Variants in KCNK9 observed in about 807,000 individuals in gnomAD.
The protein encoded by KCNK9 is potassium two pore domain channel subfamily K member 9.
In KCNK9, 1 loss-of-function variant was observed where a neutral mutation model predicts 10.8. The observed-to-expected ratio is 0.09, with a 90% CI of 0.03 to 0.44. The LOEUF is 0.44. Ranked by LOEUF, KCNK9 falls within the 20% of genes least tolerant of loss-of-function variation. The pLI, the probability that KCNK9 is intolerant of heterozygous loss-of-function variation, is 0.97. For missense variants in KCNK9, 303 were observed against 515.0 expected (o/e 0.59, Z 3.98); for synonymous variants, 231 against 222.7 (o/e 1.04, Z -0.33).
intron 1 of KCNK9, among the ~76,000 whole-genome samples, chr8:139,674,038 G>A (rs1048206324): frequency 2.0e-5 from 3 of 152,186 alleles, no homozygotes; most frequent in Non-Finnish European, 4.4e-5. Context: ...GTGCCAGGGC[G>A]ACAGGAACCC....
At chr8:139,696,442 G>A (rs565139074) in intron 1 of KCNK9, among the ~76,000 whole-genome samples, 4 of 152,338 alleles carry the variant, frequency 2.6e-5, no homozygotes, top group African/African-American at 9.6e-5. Flanking sequence ...AAGGAGATGG[G>A]TCTAGAACAT....
intron 1 of KCNK9, among the ~76,000 whole-genome samples, chr8:139,662,937 G>T (rs78491843): frequency 0.031 from 4,647 of 151,682 alleles, 139 homozygotes; most frequent in African/African-American, 0.073. Flanking sequence ...GGGTAGATGC[G>T]CCTTAGTGTG....
chr8:139,693,515 T>A lies in KCNK9; in HGVS notation c.283+9195A>T, dbSNP rs1466141366. Among the ~76,000 whole-genome samples the A allele has an allele frequency of 6.6e-6, 1 of 152,048 alleles. No individual in the cohort carries two copies. Among genetic ancestry groups the A allele is most frequent in the Non-Finnish European group, 1.5e-5 (1 of 68,012 alleles). The stretch of plus-strand genomic sequence containing the variant: ...GGGGAGCCAGGAGTACCAGCCAGTG[T>A]CCAGCCAGCCTTCCCTGAGCACCTG... On this transcript the variant is annotated intron_variant, in intron 1 of 1. Coordinates refer to ENST00000520439, the MANE Select transcript of KCNK9 (RefSeq NM_001282534.2). This position sits in a 1 kb window ranked among gnomAD's most constrained non-coding sequence, Gnocchi z 4.1.
intron 1 of KCNK9, among the ~76,000 whole-genome samples, chr8:139,692,592 T>G (rs1488049883): frequency 6.6e-6 from 1 of 152,152 alleles, no homozygotes; most frequent in Admixed American, 6.5e-5. Context: ...CCAGAGCTCC[T>G]CAGCACTTGG....
At chr8:139,610,793 G>A (rs559381249), downstream of KCNK9, among the ~76,000 whole-genome samples, 1 of 152,236 alleles carries the variant, frequency 6.6e-6, no homozygotes, top group Non-Finnish European at 1.5e-5. Context: ...GTCAGGGAAG[G>A]TTCTTGAGCA....
chr8:139,626,913 G>A (rs1240778883), intron 1 of KCNK9, among the ~76,000 whole-genome samples: 1 of 152,218 alleles, frequency 6.6e-6, no homozygotes, highest in Non-Finnish European at 1.5e-5. Flanking sequence ...GGCTCCCACG[G>A]AAGCCTGCGG....
rs1371650316 is a variant in KCNK9 at position 139,618,347 on chromosome 8, G to A, written c.1036C>T (p.Leu346Phe). 6.2e-7 allele frequency: 1 copy of A among 1,614,170 alleles called. No individual in the cohort carries two copies. The highest frequency in any genetic ancestry group is 8.5e-7 in the Non-Finnish European group (1 of 1,180,032). ...ATGGAGCTAATAGGCGATGGGAAGAGGCTGTTTTTTAATGTGCTTGGTGAG... is the reference window on the plus strand; with the variant it reads ...ATGGAGCTAATAGGCGATGGGAAGAAGCTGTTTTTTAATGTGCTTGGTGAG... ...EISPSTLKNS[L>F]FPSPISSISP... is the part of the protein sequence containing the mutation. The change falls in exon 2 of 2, where the codon CTC becomes TTC. Residue 346 changes from leucine to phenylalanine, a missense_variant. By Grantham distance (22) the Leu-to-Phe change is conservative. Transcript: ENST00000520439. This position sits in a 1 kb window ranked among gnomAD's most constrained non-coding sequence, Gnocchi z 7.9.
rs990357388 is a variant in KCNK9 at position 139,618,624 on chromosome 8, A to G, written c.759T>C (p.Asp253=). ...VLRFLTMNSE[D]ERRDAEERAS... is the part of the protein sequence containing the mutation. ...CCCTCTCTTCAGCATCCCGCCGCTC[A>G]TCCTCACTGTTCATGGTCAAGAACC... The change falls in exon 2 of 2, where the codon GAT becomes GAC. Residue 253 remains aspartate (D), a synonymous_variant. Coordinates refer to ENST00000520439, the MANE Select transcript of KCNK9 (RefSeq NM_001282534.2). The surrounding 1 kb of genome is among the most constrained non-coding windows in gnomAD (Gnocchi z 7.9). 6.2e-7 allele frequency: 1 copy of G among 1,614,184 alleles called. No homozygotes were observed. Among genetic ancestry groups the G allele is most frequent in the Non-Finnish European group, 8.5e-7 (1 of 1,180,040 alleles).
intron 1 of KCNK9, among the ~76,000 whole-genome samples, chr8:139,695,621 C>T: frequency 6.6e-6 from 1 of 152,180 alleles, no homozygotes; most frequent in Non-Finnish European, 1.5e-5. Context: ...CCTCAGACTC[C>T]AGGCTCCTTC....
At chr8:139,624,866 G>C (rs1185548568) in intron 1 of KCNK9, among the ~76,000 whole-genome samples, 1 of 152,218 alleles carries the variant, frequency 6.6e-6, no homozygotes, top group Non-Finnish European at 1.5e-5. Flanking sequence ...AAAGGGGACA[G>C]TCATTGTAAA....
At chr8:139,636,472 T>C (rs1310644042) in intron 1 of KCNK9, among the ~76,000 whole-genome samples, 1 of 152,220 alleles carries the variant, frequency 6.6e-6, no homozygotes, top group Non-Finnish European at 1.5e-5. Flanking sequence ...GAACCTCTTT[T>C]CCCTTCCCTA....
intron 1 of KCNK9, among the ~76,000 whole-genome samples, chr8:139,628,542 C>G (rs995105958): frequency 6.6e-6 from 1 of 152,190 alleles, no homozygotes; most frequent in African/African-American, 2.4e-5. Flanking sequence ...CATTGACCCA[C>G]GCTCCAGGAT....
At chr8:139,648,866 C>A (rs1255435901) in intron 1 of KCNK9, among the ~76,000 whole-genome samples, 2 of 152,176 alleles carry the variant, frequency 1.3e-5, no homozygotes, top group African/African-American at 2.4e-5. Flanking sequence ...TCATTCCCAT[C>A]CCCCCACTGC....
chr8:139,614,677 G>C (rs1323062721), downstream of KCNK9, among the ~76,000 whole-genome samples: 1 of 151,996 alleles, frequency 6.6e-6, no homozygotes, highest in Non-Finnish European at 1.5e-5. Context: ...GAGTCTAACA[G>C]GCTGAAGGCC....
intron 1 of KCNK9, among the ~76,000 whole-genome samples, chr8:139,648,771 G>A (rs1815767315): frequency 6.6e-6 from 1 of 152,232 alleles, no homozygotes; most frequent in East Asian, 1.9e-4. Context: ...GGCAGAGTCA[G>A]CTGGCACTGG....
chr8:139,668,381 G>A (rs1022881639), intron 1 of KCNK9, among the ~76,000 whole-genome samples: 6 of 151,086 alleles, frequency 4.0e-5, no homozygotes, highest in African/African-American at 1.5e-4. Context: ...AGACACAATG[G>A]TACTGCACAC....
intron 1 of KCNK9, among the ~76,000 whole-genome samples, chr8:139,641,325 C>T (rs1331074214): frequency 1.3e-5 from 2 of 152,184 alleles, no homozygotes; most frequent in Non-Finnish European, 2.9e-5. Flanking sequence ...ATCCTGCCCT[C>T]CTAAAAGTCA....
intron 1 of KCNK9, among the ~76,000 whole-genome samples, chr8:139,664,352 G>A (rs1816243721): frequency 6.6e-6 from 1 of 152,086 alleles, no homozygotes; most frequent in South Asian, 2.1e-4. Context: ...GAGCTGCTCT[G>A]TCTCCCGCCC....
chr8:139,611,604 G>A (rs886902640), downstream of KCNK9: 13 of 152,268 alleles, frequency 8.5e-5, no homozygotes, highest in South Asian at 2.1e-4. Flanking sequence ...TTCCCATCAC[G>A]GGGCCCAACT....
Sources: allele counts gnomAD v4.1 joint callset (sites outside exome capture counted in the v4.1 genomes callset), GRCh38; gene constraint gnomAD v4.1.1; non-coding constraint Gnocchi (gnomAD v3.1); transcripts MANE v1.5; gene names NCBI Gene and HGNC (gene_info 2026-07-23, HGNC 2026-07-21).